CTIF: variants seen among roughly 807,000 people sequenced by gnomAD.
The protein encoded by CTIF is CBP80/20-dependent translation initiation factor.
CTIF carries 21 observed loss-of-function variants against 66.0 expected under a neutral mutation model. The ratio of observed to expected loss-of-function variants is 0.32; its 90% CI spans 0.23 to 0.46. The LOEUF is 0.46. CTIF is among the 20% of genes least tolerant of loss of function. The pLI is 1.00. For missense variants in CTIF, 739 were observed against 812.7 expected (o/e 0.91, Z 1.10); for synonymous variants, 345 against 326.4 (o/e 1.06, Z -0.62).
chr18:48,622,978 C>T (rs1041100198), intron 2 of CTIF, among the ~76,000 whole-genome samples: 8 of 152,206 alleles, frequency 5.3e-5, no homozygotes, highest in East Asian at 1.9e-4. Context: ...CAGAGGTATG[C>T]GTGGCTGATG....
intron 1 of CTIF, among the ~76,000 whole-genome samples, chr18:48,585,837 C>G (rs576942480): frequency 1.5e-3 from 228 of 152,302 alleles, no homozygotes; most frequent in Non-Finnish European, 1.8e-3. Flanking sequence ...CCACTGAGCA[C>G]GCCTGCTACT....
At chr18:48,606,093 A>C (rs558904699) in intron 1 of CTIF, among the ~76,000 whole-genome samples, 1 of 152,190 alleles carries the variant, frequency 6.6e-6, no homozygotes, top group East Asian at 1.9e-4. Flanking sequence ...TCTACAAGGT[A>C]GTGGATATGG....
intron 1 of CTIF, among the ~76,000 whole-genome samples, chr18:48,575,175 C>G (rs944901188): frequency 6.6e-6 from 1 of 152,210 alleles, no homozygotes; most frequent in Non-Finnish European, 1.5e-5. Flanking sequence ...AGCACGTAGG[C>G]CTTGAGTCCA....
intron 10 of CTIF, among the ~76,000 whole-genome samples, chr18:48,850,297 A>G (rs1487697776): frequency 5.3e-5 from 8 of 152,016 alleles, no homozygotes; most frequent in African/African-American, 1.2e-4. Flanking sequence ...GCCTCTTGCT[A>G]TTGTCAGTAA....
At chr18:48,809,186 A>T (rs771255025) in intron 9 of CTIF, among the ~76,000 whole-genome samples, 24 of 152,338 alleles carry the variant, frequency 1.6e-4, no homozygotes, top group Non-Finnish European at 2.6e-4. Context: ...ATTCTGTCAT[A>T]AAAGAAAGCT....
rs558852275 is a variant in CTIF at position 48,832,068 on chromosome 18, G to A, written c.1527+14692G>A. ...TCATAGCCTCTCATAGCACCAGGCAGCAAAGGGGCACCATGAATACTAAAA... is the reference window on the plus strand; with the variant it reads ...TCATAGCCTCTCATAGCACCAGGCAACAAAGGGGCACCATGAATACTAAAA... On this transcript the variant is annotated intron_variant, in intron 10 of 11. Transcript: ENST00000256413. 2.0e-5 allele frequency among the ~76,000 whole-genome samples: 3 copies of A among 152,180 alleles called. No individual in the cohort carries two copies. In the South Asian group the frequency reaches 6.2e-4, roughly 32 times the overall value.
intron 10 of CTIF, among the ~76,000 whole-genome samples, chr18:48,822,013 C>G (rs1351262267): frequency 6.6e-6 from 1 of 152,220 alleles, no homozygotes; most frequent in Non-Finnish European, 1.5e-5. Context: ...CTGGCAACCA[C>G]TATTCGTTGC....
At chr18:48,827,883 C>T (rs1025548627) in intron 10 of CTIF, among the ~76,000 whole-genome samples, 2 of 152,074 alleles carry the variant, frequency 1.3e-5, no homozygotes, top group East Asian at 1.9e-4. Flanking sequence ...GGGGTGACGC[C>T]GACCTACCCA....
intron 10 of CTIF, 73 bp from the exon 11 acceptor site, chr18:48,857,515 G>T (rs887803028): frequency 7.9e-6 from 11 of 1,400,248 alleles, no homozygotes; most frequent in Admixed American, 4.1e-5. Context: ...GTCGGCGGGG[G>T]CTGCAGGGAG....
At chr18:48,760,535 T>G (rs1438357345) in intron 8 of CTIF, 1 of 152,176 alleles carries the variant, frequency 6.6e-6, no homozygotes, top group Non-Finnish European at 1.5e-5. Context: ...GCTTCTATTG[T>G]CAGGGACAGA....
Position 48,857,605 on chromosome 18 carries a change from T to G in CTIF, c.1545T>G (p.Asp515Glu), listed in dbSNP as rs1346184935. The change falls in exon 11 of 12, where the codon GAT (aspartate) becomes GAG (glutamate). Residue 515 changes from aspartate (D) to glutamate (E), a missense_variant. Physicochemically the swap from Asp to Glu is conservative, Grantham distance 45 (BLOSUM62 2). This residue lies in a region of CTIF where 210 missense variants were observed against 292.3 expected (regional missense o/e 0.72). Transcript: ENST00000256413. Reference protein sequence around the residue: ...TCLRELLQSQDVKEDAVLCCS... With the variant: ...TCLRELLQSQEVKEDAVLCCS... Reference sequence around the variant, plus strand: ...TTCCACAGCTCTTGCAATCTCAGGATGTGAAGGAAGATGCTGTCCTTTGCT... The same window carrying G: ...TTCCACAGCTCTTGCAATCTCAGGAGGTGAAGGAAGATGCTGTCCTTTGCT... The G allele has an allele frequency of 6.2e-7, 1 of 1,608,720 alleles. No homozygotes were observed. Among genetic ancestry groups the G allele is most frequent in the Non-Finnish European group, 8.5e-7 (1 of 1,177,582 alleles).
At chr18:48,789,238 A>G (rs79736775) in intron 9 of CTIF, among the ~76,000 whole-genome samples, 108 of 152,298 alleles carry the variant, frequency 7.1e-4, no homozygotes, top group African/African-American at 2.4e-3. Context: ...CATGATGACA[A>G]TAAGGGCTGG....
chr18:48,776,591 C>G (rs529975228), intron 9 of CTIF, among the ~76,000 whole-genome samples: 1 of 152,252 alleles, frequency 6.6e-6, no homozygotes, highest in East Asian at 1.9e-4. Flanking sequence ...ATAGGGGAAA[C>G]GAGGGCACTG....
intron 9 of CTIF, among the ~76,000 whole-genome samples, chr18:48,798,983 G>A (rs756053138): frequency 6.6e-6 from 1 of 152,288 alleles, no homozygotes; most frequent in African/African-American, 2.4e-5. Flanking sequence ...CTAATCTTGA[G>A]GCAGATGGAG....
chr18:48,784,756 CAG>C (rs1911555338), intron 9 of CTIF, among the ~76,000 whole-genome samples: 1 of 151,542 alleles, frequency 6.6e-6, no homozygotes, highest in African/African-American at 2.4e-5. Context: ...AAGAGAGAGA[CAG>C]AGAGAGAGGT....
chr18:48,737,317 C>T (rs1286039949), intron 7 of CTIF, among the ~76,000 whole-genome samples: 1 of 152,220 alleles, frequency 6.6e-6, no homozygotes, highest in East Asian at 1.9e-4. Context: ...CCAGCTCCTG[C>T]CCTGGTGCTG....
Position 48,805,055 on chromosome 18 carries a change from T to G in CTIF, c.1372-12166T>G, listed in dbSNP as rs16949985. Among the ~76,000 whole-genome samples the G allele has an allele frequency of 8.3e-3, 1,271 of 152,362 alleles. 21 individuals are homozygous for G. The highest frequency in any genetic ancestry group is 0.029 in the African/African-American group (1,223 of 41,588). On this transcript the variant is annotated intron_variant, in intron 9 of 11. Transcript: ENST00000256413. ...TTTCTGTAAGGATTCTGAGGTTTCA[T>G]GGAGCCCAGAAGTCCCAGGGAAGGA...
intron 11 of CTIF, 136 bp downstream of exon 11, chr18:48,857,777 C>A: frequency 2.9e-6 from 2 of 680,050 alleles, no homozygotes; most frequent in Non-Finnish European, 4.8e-6. Flanking sequence ...CAGGAGTGGG[C>A]ATGGACTTCT....
At chr18:48,688,774 A>T (rs189515002) in intron 6 of CTIF, among the ~76,000 whole-genome samples, 1 of 152,326 alleles carries the variant, frequency 6.6e-6, no homozygotes. Context: ...CTGTTTAATA[A>T]TGTATTCTAG....
Sources: gnomAD v4.1 joint callset for allele counts (sites outside exome capture counted in the v4.1 genomes callset) on GRCh38, gnomAD v4.1.1 for gene constraint, gnomAD v4.1.1 regional missense constraint, MANE v1.5 for transcripts, NCBI Gene and HGNC (gene_info 2026-07-23, HGNC 2026-07-21) for gene names.